Variants in GABRR2 observed in about 807,000 individuals in gnomAD.
The protein encoded by GABRR2 is gamma-aminobutyric acid receptor subunit rho-2.
In GABRR2, 36 loss-of-function variants were observed where a neutral mutation model predicts 47.0. That is an observed-to-expected ratio of 0.77 (90% CI 0.59 to 1.01). GABRR2 has a LOEUF of 1.01. Among genes scored for constraint, GABRR2 ranks in the 50% least tolerant of loss-of-function variants. The pLI, the probability that GABRR2 is intolerant of heterozygous loss-of-function variation, is 0.00. For missense variants in GABRR2, 587 were observed against 594.6 expected, an observed-to-expected ratio of 0.99 and a Z score of 0.13; for synonymous variants, 204 against 227.5, an observed-to-expected ratio of 0.90 and a Z score of 0.93.
intron 1 of GABRR2, chr6:89,301,931 A>G (rs1678626767): frequency 9.9e-7 from 1 of 1,006,092 alleles, no homozygotes; most frequent in Non-Finnish European, 1.6e-6. Flanking sequence ...ATCAGCATCT[A>G]CTACAACGAG....
rs781008548 is a variant in GABRR2, at chr6:89,257,138, A to T, written c.*532T>A. ...TGAATAATCTCCTCTAATATTGCAG[A>T]ATCCTGTGGGTTGCCATACTCCCAC... On this transcript the variant is annotated 3_prime_UTR_variant, in exon 9 of 9. Transcript: ENST00000402938. 1 of 154,430 alleles carries T rather than the reference A, an allele frequency of 6.5e-6. No individual in the cohort carries two copies. The highest frequency in any genetic ancestry group is 2.4e-5 in the African/African-American group (1 of 41,424). The allele number at this position is 154,430 out of a possible 1,614,324, so 9.6% of individuals were successfully genotyped here.
rs1290812022 is a variant in GABRR2, at chr6:89,257,612, A to G, written c.*58T>C. ...GTGTGGTCAACAAGTCCGTCTGTCA[A>G]TGACTGGCCAGGCCCCCTCGATGTC... On this transcript the variant is annotated 3_prime_UTR_variant, in exon 9 of 9. Coordinates refer to ENST00000402938, the MANE Select transcript of GABRR2 (RefSeq NM_002043.5). The G allele has an allele frequency of 2.7e-5, 38 of 1,403,426 alleles. No homozygotes were observed. The East Asian group carries it at 4.0e-4, about 15-fold the overall frequency. 86.9% of individuals were successfully genotyped at this position (1,403,426 alleles called of 1,614,324 possible).
intron 2 of GABRR2, among the ~76,000 whole-genome samples, chr6:89,294,033 C>T (rs1774513790): frequency 6.6e-6 from 1 of 152,178 alleles, no homozygotes; most frequent in Non-Finnish European, 1.5e-5. Flanking sequence ...GCTGATTCCT[C>T]TCTCTCTCCA....
At chr6:89,306,911 T>G (rs1005375759) in intron 1 of GABRR2, among the ~76,000 whole-genome samples, 7 of 147,812 alleles carry the variant, frequency 4.7e-5, no homozygotes, top group South Asian at 2.2e-4. Context: ...GTACGTTACC[T>G]GTTCCTCTTA....
In GABRR2 at chr6:89,257,848, A is replaced by C; in HGVS notation, c.1220T>G (p.Ile407Arg). ...ACCACTCAGGCCCAGGTGGACCACT[A>C]TTTTGTCTTGCCTTTCTTCTTCTGT... ...ILTEEERQDK[I>R]VVHLGLSGEA... The change falls in exon 9 of 9, where the codon ATA becomes AGA. Residue 407 changes from isoleucine (I) to arginine (R), a missense_variant. Transcript: ENST00000402938. 4 of 1,613,952 alleles carry C rather than the reference A, an allele frequency of 2.5e-6. No homozygotes were observed. The South Asian group carries it at 4.4e-5, about 18-fold the overall frequency.
Position 89,267,748 on chromosome 6 carries a change from T to G in GABRR2, c.667A>C (p.Ile223Leu). Reference protein sequence around the residue: ...GDESLKTDEKISLSQFLIQKF... With the variant: ...GDESLKTDEKLSLSQFLIQKF... The stretch of plus-strand genomic sequence containing the variant: ...TGAATCAGAAACTGAGACAAGGAGA[T>G]CTTCTCATCTGTTTTTAGGGATTCA... The change falls in exon 6 of 9, where the codon ATC (isoleucine) becomes CTC (leucine). Residue 223 changes from isoleucine (I) to leucine (L), a missense_variant. Coordinates refer to ENST00000402938, the MANE Select transcript of GABRR2 (RefSeq NM_002043.5). 1 of 1,613,856 alleles carries G rather than the reference T, an allele frequency of 6.2e-7. No individual in the cohort carries two copies. The highest frequency in any genetic ancestry group is 8.5e-7 in the Non-Finnish European group (1 of 1,179,794).
At chr6:89,283,492 A>G (rs1774285659) in intron 2 of GABRR2, among the ~76,000 whole-genome samples, 1 of 152,196 alleles carries the variant, frequency 6.6e-6, no homozygotes, top group Non-Finnish European at 1.5e-5. Context: ...GATTCCCAAG[A>G]TATAGTGCTA....
chr6:89,292,254 A>G lies in GABRR2; in HGVS notation c.220+7505T>C, dbSNP rs114538935. On this transcript the variant is annotated intron_variant, in intron 2 of 8. Coordinates refer to ENST00000402938, the MANE Select transcript of GABRR2 (RefSeq NM_002043.5). ...TCCCTCCAGTATCTCCCATCTATGC[A>G]GTTTGAGTTAAAAACCAGCATTGTG... Among the ~76,000 whole-genome samples the G allele has an allele frequency of 7.8e-3, 1,181 of 150,962 alleles. 20 individuals carry two copies. The highest frequency in any genetic ancestry group is 0.028 in the African/African-American group (1,138 of 41,236).
At chr6:89,291,434 CT>C (rs1288984672) in intron 2 of GABRR2, among the ~76,000 whole-genome samples, 1 of 152,136 alleles carries the variant, frequency 6.6e-6, no homozygotes, top group Admixed American at 6.5e-5. Context: ...TTGCTCCAGC[CT>C]TCTTTTGGTA....
At chr6:89,287,850 G>T (rs988461978) in intron 2 of GABRR2, among the ~76,000 whole-genome samples, 1 of 152,192 alleles carries the variant, frequency 6.6e-6, no homozygotes, top group East Asian at 1.9e-4. Context: ...GCCATGTACT[G>T]TGCTAGAGAC....
rs535713413 is a variant in GABRR2, at chr6:89,255,511, G to T, written c.*2159C>A. ...CAATTACCCATATTTATGCATTTTTGTTCTTCATTGGTCTGTGAGACTGGG... is the reference window on the plus strand; with the variant it reads ...CAATTACCCATATTTATGCATTTTTTTTCTTCATTGGTCTGTGAGACTGGG... On this transcript the variant is annotated 3_prime_UTR_variant, in exon 9 of 9. Coordinates refer to ENST00000402938, the MANE Select transcript of GABRR2 (RefSeq NM_002043.5). Among the ~76,000 whole-genome samples, 4 of 152,186 alleles carry T rather than the reference G, an allele frequency of 2.6e-5. No homozygotes were observed. The highest frequency in any genetic ancestry group is 4.4e-5 in the Non-Finnish European group (3 of 67,992).
At chr6:89,294,182 T>A (rs1446766408) in intron 2 of GABRR2, among the ~76,000 whole-genome samples, 2 of 152,238 alleles carry the variant, frequency 1.3e-5, no homozygotes, top group Non-Finnish European at 2.9e-5. Context: ...GTCTCACTCG[T>A]CGCCCAGGCT....
chr6:89,302,655 A>G, intron 1 of GABRR2: 1 of 1,289,880 alleles, frequency 7.8e-7, no homozygotes, highest in Admixed American at 1.8e-5. Flanking sequence ...TGATGCCAAG[A>G]ACATGATGGC....
intron 6 of GABRR2, among the ~76,000 whole-genome samples, chr6:89,266,746 ACT>A (rs1773905793): frequency 6.6e-6 from 1 of 151,868 alleles, no homozygotes; most frequent in African/African-American, 2.4e-5. Context: ...CCACACAGAA[ACT>A]CTGCACCCAT....
chr6:89,261,798 G>A (rs921472131), intron 8 of GABRR2, among the ~76,000 whole-genome samples: 9 of 152,144 alleles, frequency 5.9e-5, no homozygotes, highest in Middle Eastern at 3.2e-3. Flanking sequence ...AGCACTTTGG[G>A]AGGCCAAGGT....
chr6:89,312,454 G>A (rs1428959385), intron 1 of GABRR2, among the ~76,000 whole-genome samples: 1 of 152,196 alleles, frequency 6.6e-6, no homozygotes, highest in Admixed American at 6.5e-5. Flanking sequence ...TTCACAGTGT[G>A]CATGTGTGAG....
At chr6:89,261,218 A>C (rs936228004) in intron 8 of GABRR2, among the ~76,000 whole-genome samples, 1 of 152,234 alleles carries the variant, frequency 6.6e-6, no homozygotes, top group Non-Finnish European at 1.5e-5. Context: ...CTAATGATTT[A>C]TAAATCAAAA....
intron 2 of GABRR2, among the ~76,000 whole-genome samples, chr6:89,283,968 G>A (rs753229054): frequency 6.6e-6 from 1 of 152,132 alleles, no homozygotes; most frequent in Non-Finnish European, 1.5e-5. Context: ...TCTTAAGGTG[G>A]TATACGTAGG....
Position 89,315,233 on chromosome 6 carries a change from T to A in GABRR2, c.-68A>T. The A allele has an allele frequency of 6.2e-7, 1 of 1,608,526 alleles. No homozygotes were observed. The highest frequency in any genetic ancestry group is 8.5e-7 in the Non-Finnish European group (1 of 1,176,748). The stretch of plus-strand genomic sequence containing the variant: ...TGTGGCAGAGCAAATCCCCCCTGGC[T>A]TGACCATTGATCCATCTGCTGCCTC... On this transcript the variant is annotated 5_prime_UTR_variant, in exon 1 of 9. The change creates a new upstream start codon in the 5' untranslated region. Coordinates refer to ENST00000402938, the MANE Select transcript of GABRR2 (RefSeq NM_002043.5).
Sources: allele counts gnomAD v4.1 joint callset (sites outside exome capture counted in the v4.1 genomes callset), GRCh38; gene constraint gnomAD v4.1.1; transcripts MANE v1.5; gene names NCBI Gene and HGNC (gene_info 2026-07-23, HGNC 2026-07-21).